Variants in ZNF254 observed in about 807,000 individuals in gnomAD.
ZNF254 encodes zinc finger protein 254, also known as CTD-2017D11.1.
Under a neutral mutation model 12.4 loss-of-function variants are expected in ZNF254, and 10 were observed. The ratio of observed to expected loss-of-function variants is 0.80; its 90% CI spans 0.50 to 1.36. The LOEUF (loss-of-function observed/expected upper bound fraction) is 1.36. Ranked by LOEUF, ZNF254 falls within the 40% of genes most tolerant of loss-of-function variation. The pLI is 0.00. For missense variants in ZNF254, 996 were observed against 763.9 expected (o/e 1.30, Z -3.58); for synonymous variants, 305 against 253.4 (o/e 1.20, Z -1.93).
intron 2 of ZNF254, among the ~76,000 whole-genome samples, chr19:24,071,706 C>T (rs901463761): frequency 6.6e-6 from 1 of 152,148 alleles, no homozygotes; most frequent in East Asian, 2.0e-4. Flanking sequence ...GAGACTACAT[C>T]TCTTCTAATG....
At chr19:24,104,887 C>T (rs1973242378) in intron 1 of ZNF254, 1 of 152,126 alleles carries the variant, frequency 6.6e-6, no homozygotes, top group Admixed American at 6.6e-5. Flanking sequence ...GCATTTATTA[C>T]CCAGAAAGCT....
At chr19:24,121,327 A>G (rs1016963496) in intron 3 of ZNF254, among the ~76,000 whole-genome samples, 2 of 151,804 alleles carry the variant, frequency 1.3e-5, no homozygotes, top group African/African-American at 4.8e-5. Context: ...TTTACATTCC[A>G]TGTTTTAATT....
chr19:24,109,705 TTTTTC>T (rs1310703189), intron 3 of ZNF254, among the ~76,000 whole-genome samples: 3 of 148,744 alleles, frequency 2.0e-5, no homozygotes, highest in Admixed American at 6.7e-5. Context: ...TCTTTTTTCT[TTTTTC>T]TTTTCTTTTC....
rs2463043 is a variant in ZNF254 at position 24,127,520 on chromosome 19, C to A, written c.1520C>A (p.Thr507Lys). Reference protein sequence around the residue: ...KSFSQSSTLTTHKIIHTGEKP... With the variant: ...KSFSQSSTLTKHKIIHTGEKP... ...TTTAGCCAATCCTCAACCCTTACTA[C>A]ACATAAGATAATTCATACTGGAGAG... The change falls in exon 4 of 4, where the codon ACA becomes AAA. Residue 507 changes from threonine (T) to lysine (K), a missense_variant. By Grantham distance (78) the Thr-to-Lys change is moderately conservative. Coordinates refer to ENST00000357002, the MANE Select transcript of ZNF254 (RefSeq NM_203282.4). 4 of 1,608,906 alleles carry A rather than the reference C, an allele frequency of 2.5e-6. No homozygotes were observed. Among genetic ancestry groups the A allele is most frequent in the African/African-American group, 1.4e-5 (1 of 73,306 alleles).
At chr19:24,094,418 G>T (rs997533122) in intron 1 of ZNF254, among the ~76,000 whole-genome samples, 7 of 151,256 alleles carry the variant, frequency 4.6e-5, no homozygotes, top group African/African-American at 1.7e-4. Flanking sequence ...CCGCCACTGC[G>T]CCTGGTTAAT....
intron 1 of ZNF254, among the ~76,000 whole-genome samples, chr19:24,035,294 G>A (rs1969923910): frequency 6.6e-6 from 1 of 152,160 alleles, no homozygotes; most frequent in Admixed American, 6.5e-5. Flanking sequence ...CTCTCAGGTA[G>A]CTGGGATTAC....
At chr19:24,118,024 C>T (rs1283951809) in intron 3 of ZNF254, among the ~76,000 whole-genome samples, 1 of 151,202 alleles carries the variant, frequency 6.6e-6, no homozygotes, top group Non-Finnish European at 1.5e-5. Flanking sequence ...TGTTTTCCAC[C>T]AACGATGCAC....
chr19:24,121,104 G>C (rs1054248544), intron 3 of ZNF254, among the ~76,000 whole-genome samples: 4 of 150,936 alleles, frequency 2.7e-5, no homozygotes, highest in African/African-American at 9.7e-5. Context: ...TTATTTTGGA[G>C]ATTTTTAGTT....
At chr19:24,113,043 C>A (rs949495271) in intron 3 of ZNF254, among the ~76,000 whole-genome samples, 2 of 152,170 alleles carry the variant, frequency 1.3e-5, no homozygotes, top group Non-Finnish European at 2.9e-5. Context: ...TAATCAAGAG[C>A]TTACCAATGA....
intron 1 of ZNF254, 91 bp downstream of exon 1, chr19:24,087,428 A>G (rs1324205056): frequency 2.0e-6 from 3 of 1,536,642 alleles, no homozygotes; most frequent in East Asian, 2.3e-5. Flanking sequence ...GCCTCCCCCC[A>G]GTCAGCTCCA....
chr19:24,075,891 C>G (rs1451912607), intron 2 of ZNF254, among the ~76,000 whole-genome samples: 2 of 152,158 alleles, frequency 1.3e-5, no homozygotes, highest in African/African-American at 4.8e-5. Flanking sequence ...TTTTGCCAGG[C>G]CTGTTCCTTG....
chr19:24,084,682 C>T (rs1221923300), upstream of ZNF254, among the ~76,000 whole-genome samples: 1 of 152,070 alleles, frequency 6.6e-6, no homozygotes. Flanking sequence ...GAATAGAGTG[C>T]AGTGGCTTAA....
chr19:24,127,841 C>G lies in ZNF254; in HGVS notation c.1841C>G (p.Ser614Cys), dbSNP rs1300261260. The G allele has an allele frequency of 6.2e-7, 1 of 1,613,234 alleles. No homozygotes were observed. Among genetic ancestry groups the G allele is most frequent in the African/African-American group, 1.3e-5 (1 of 75,000 alleles). The change falls in exon 4 of 4, where the codon TCC (serine) becomes TGC (cysteine). Residue 614 changes from serine to cysteine, a missense_variant. Physicochemically the swap from Ser to Cys is moderately radical, Grantham distance 112. Transcript: ENST00000357002. The part of the protein sequence containing the change: ...CEECGKAFFW[S>C]STLTKHKRIH... ...GAATGTGGCAAAGCATTTTTCTGGT[C>G]CTCAACCCTAACTAAACATAAGAGA... is the stretch of plus-strand genomic sequence containing the variant.
intron 3 of ZNF254, among the ~76,000 whole-genome samples, chr19:24,125,790 A>G (rs1974792273): frequency 6.6e-6 from 1 of 152,204 alleles, no homozygotes; most frequent in Non-Finnish European, 1.5e-5. Flanking sequence ...TCCAAAATAT[A>G]CCACCATTTC....
At chr19:24,047,661 A>G (rs898010900) in intron 2 of ZNF254, among the ~76,000 whole-genome samples, 1 of 48,636 alleles carries the variant, frequency 2.1e-5, no homozygotes, top group Non-Finnish European at 4.2e-5. Flanking sequence ...TTCTTTCTTT[A>G]TTCTACATTT....
chr19:24,126,773 T>A lies in ZNF254; in HGVS notation c.773T>A (p.Ile258Lys). ...CTCTCAACCCTTACTACACATGAAA[T>A]AATTCATGCTGGAGAGAAACTCTAC... ...KQLSTLTTHE[I>K]IHAGEKLYKC... is the part of the protein sequence containing the mutation. Residue 258 changes from isoleucine (I) to lysine (K), a missense_variant, in exon 4 of 4, where the codon ATA becomes AAA. Transcript: ENST00000357002. 2 of 1,613,092 alleles carry A rather than the reference T, an allele frequency of 1.2e-6. No homozygotes were observed. Among genetic ancestry groups the A allele is most frequent in the Non-Finnish European group, 1.7e-6 (2 of 1,179,652 alleles).
chr19:24,101,494 G>T (rs192498705), intron 1 of ZNF254, among the ~76,000 whole-genome samples: 2 of 152,256 alleles, frequency 1.3e-5, no homozygotes, highest in East Asian at 3.9e-4. Context: ...GAATCTGATG[G>T]CAGAATCTCT....
At chr19:24,109,306 A>G (rs1015779164) in intron 3 of ZNF254, among the ~76,000 whole-genome samples, 2 of 152,224 alleles carry the variant, frequency 1.3e-5, no homozygotes, top group Non-Finnish European at 2.9e-5. Flanking sequence ...ATTAATTTAA[A>G]ACACCTGCCT....
chr19:24,059,538 G>T (rs1296449981), intron 2 of ZNF254, among the ~76,000 whole-genome samples: 1 of 152,072 alleles, frequency 6.6e-6, no homozygotes, highest in Non-Finnish European at 1.5e-5. Context: ...CTACTGCTTG[G>T]AATATTCCCA....
Sources: allele counts gnomAD v4.1 joint callset (sites outside exome capture counted in the v4.1 genomes callset), GRCh38; gene constraint gnomAD v4.1.1; transcripts MANE v1.5; gene names NCBI Gene and HGNC (gene_info 2026-07-23, HGNC 2026-07-21).